The following USP38 variants were observed in gnomAD, a reference collection of about 807,000 sequenced individuals.
USP38 encodes the protein ubiquitin specific peptidase 38, also known as ubiquitin carboxyl-terminal hydrolase 38.
A neutral mutation model predicts 94.3 loss-of-function variants in USP38; 49 were observed. The observed-to-expected ratio is 0.52, with a 90% CI of 0.41 to 0.66. The LOEUF is 0.66. Ranked by LOEUF, USP38 falls within the 30% of genes least tolerant of loss-of-function variation. The pLI is 0.00. For missense variants in USP38, 1,128 were observed against 1,229.4 expected, an observed-to-expected ratio of 0.92 and a Z score of 1.23; for synonymous variants, 468 against 463.6, an observed-to-expected ratio of 1.01 and a Z score of -0.12.
chr4:143,214,009 T>G lies in USP38; in HGVS notation c.2033T>G (p.Ile678Arg), dbSNP rs778510170. The change falls in exon 9 of 10, where the codon ATA (isoleucine) becomes AGA (arginine). Residue 678 changes from isoleucine to arginine, a missense_variant. Coordinates refer to ENST00000307017, the MANE Select transcript of USP38 (RefSeq NM_032557.6). Reference sequence around the variant, plus strand: ...GACTCACTTGTGAATGAAAAAACCATAGGCAGTCCTCCTAATGAGTTTTAC... The same window carrying G: ...GACTCACTTGTGAATGAAAAAACCAGAGGCAGTCCTCCTAATGAGTTTTAC... ...ICDSLVNEKTIGSPPNEFYCS... is the reference protein window; with the variant it reads ...ICDSLVNEKTRGSPPNEFYCS... 6.2e-7 allele frequency: 1 copy of G among 1,613,580 alleles called. No homozygotes were observed. The highest frequency in any genetic ancestry group is 8.5e-7 in the Non-Finnish European group (1 of 1,179,818).
In USP38 at chr4:143,223,103, AG is replaced by A. The variant is rs1296873243; in HGVS notation, c.*2648del. The A allele has an allele frequency of 6.6e-6, 1 of 152,178 alleles. No individual in the cohort carries two copies. Among genetic ancestry groups the A allele is most frequent in the East Asian group, 1.9e-4 (1 of 5,200 alleles). 9.4% of individuals were successfully genotyped at this position (152,178 alleles called of 1,614,324 possible). On this transcript the variant is annotated 3_prime_UTR_variant, in exon 10 of 10. Coordinates refer to ENST00000307017, the MANE Select transcript of USP38 (RefSeq NM_032557.6). ...TAAAAAATTGTTTAGAGATATGCAA[AG>A]AAGGAAATATATATGATGTCACACA...
chr4:143,218,391 TATG>T (rs1732238062), intron 9 of USP38, among the ~76,000 whole-genome samples: 1 of 152,136 alleles, frequency 6.6e-6, no homozygotes, highest in Non-Finnish European at 1.5e-5. Context: ...TTACACATTC[TATG>T]ATAATCATAA....
chr4:143,186,421 A>G (rs1731226415), intron 1 of USP38, among the ~76,000 whole-genome samples: 1 of 152,224 alleles, frequency 6.6e-6, no homozygotes, highest in Non-Finnish European at 1.5e-5. Context: ...GTTATTTGGA[A>G]TGCTTTGAGG....
intron 9 of USP38, among the ~76,000 whole-genome samples, chr4:143,216,206 A>G (rs11725565): frequency 0.6 from 90,632 of 151,936 alleles, 27,216 homozygotes; most frequent in East Asian, 0.82. Context: ...ATATTTGAGC[A>G]TGAGGAGCTG....
At chr4:143,220,048 G>T (rs1308572502) in intron 9 of USP38, among the ~76,000 whole-genome samples, 5 of 152,022 alleles carry the variant, frequency 3.3e-5, no homozygotes, top group African/African-American at 9.7e-5. Flanking sequence ...AATCTATTGT[G>T]ATAATCTTTG....
intron 6 of USP38, among the ~76,000 whole-genome samples, chr4:143,206,962 A>T (rs2149609864): frequency 6.6e-6 from 1 of 152,354 alleles, no homozygotes; most frequent in East Asian, 1.9e-4. Flanking sequence ...TAATTACTGA[A>T]CACATGTATA....
chr4:143,187,007 C>T (rs1731246049), intron 1 of USP38, among the ~76,000 whole-genome samples: 1 of 152,140 alleles, frequency 6.6e-6, no homozygotes, highest in Admixed American at 6.5e-5. Context: ...GGAGTTTTAA[C>T]AAACGTTCTG....
chr4:143,198,744 A>G (rs1309450104), intron 4 of USP38, among the ~76,000 whole-genome samples: 1 of 152,220 alleles, frequency 6.6e-6, no homozygotes, highest in East Asian at 1.9e-4. Flanking sequence ...CCTTACTAGC[A>G]AGTAATTACA....
At chr4:143,195,897 A>AT in intron 3 of USP38, 52 bp downstream of exon 3, 1 of 1,482,286 alleles carries the variant, frequency 6.7e-7, no homozygotes, top group African/African-American at 1.4e-5. Flanking sequence ...TAAAATCAAT[A>AT]TTTTTTTCTT....
intron 4 of USP38, among the ~76,000 whole-genome samples, chr4:143,202,691 G>A (rs1731751063): frequency 6.6e-6 from 1 of 152,052 alleles, no homozygotes; most frequent in South Asian, 2.1e-4. Context: ...TTGTGCTGAT[G>A]ATCAATATTA....
At chr4:143,214,977 A>G (rs1263435940) in intron 9 of USP38, 34 bp downstream of exon 9, 1 of 1,582,176 alleles carries the variant, frequency 6.3e-7, no homozygotes, top group Admixed American at 1.8e-5. Context: ...TTTGTTGAAA[A>G]TATTAAACAA....
intron 5 of USP38, 149 bp from the exon 6 acceptor site, chr4:143,205,884 C>A (rs1347995835): frequency 3.8e-6 from 2 of 520,504 alleles, no homozygotes; most frequent in Non-Finnish European, 6.4e-6. Context: ...TCATGACTAG[C>A]CAAGTACTGC....
chr4:143,187,169 G>T (rs142259669), intron 1 of USP38, among the ~76,000 whole-genome samples: 2 of 152,154 alleles, frequency 1.3e-5, no homozygotes, highest in Non-Finnish European at 2.9e-5. Flanking sequence ...TTGAACTGTA[G>T]CAGTAAAGGT....
intron 2 of USP38, 122 bp downstream of exon 2, chr4:143,188,083 A>G: frequency 8.5e-7 from 1 of 1,173,588 alleles, no homozygotes; most frequent in Admixed American, 2.7e-5. Context: ...TGACATATGT[A>G]AAGATTCTCC....
chr4:143,194,594 G>A (rs895699156), intron 2 of USP38, among the ~76,000 whole-genome samples: 18 of 151,938 alleles, frequency 1.2e-4, no homozygotes, highest in African/African-American at 2.9e-4. Context: ...TGCAACCTCC[G>A]CCTCCCAGGT....
Position 143,214,556 on chromosome 4 carries a change from T to G in USP38, c.2580T>G (p.Ser860=). ...CCTCTGAAAGTGGGCATTACTATTC[T>G]TATGCCAGGAATATCACAAGTACAG... The part of the protein sequence containing the change: ...GISSESGHYY[S]YARNITSTDS... Residue 860 remains serine, a synonymous_variant, in exon 9 of 10, where the codon TCT becomes TCG. Transcript: ENST00000307017. The G allele has an allele frequency of 1.2e-6, 2 of 1,613,594 alleles. No individual in the cohort carries two copies. The highest frequency in any genetic ancestry group is 1.7e-6 in the Non-Finnish European group (2 of 1,179,804).
Position 143,213,845 on chromosome 4 carries a change from C to G in USP38, c.1869C>G (p.Ser623=). Residue 623 remains serine, a synonymous_variant, in exon 9 of 10, where the codon TCC becomes TCG. Transcript: ENST00000307017. ...ATCTTTCGCTTGCCTTTTGTCCTTC[C>G]TCTTCTTTGGAAAACATGTCTGTCC... ...FTDLSLAFCP[S]SSLENMSVQD... The G allele has an allele frequency of 6.2e-7, 1 of 1,613,824 alleles. No homozygotes were observed. Among genetic ancestry groups the G allele is most frequent in the Non-Finnish European group, 8.5e-7 (1 of 1,179,832 alleles).
At chr4:143,189,726 C>T (rs993509082) in intron 2 of USP38, among the ~76,000 whole-genome samples, 5 of 151,964 alleles carry the variant, frequency 3.3e-5, no homozygotes, top group Non-Finnish European at 7.4e-5. Context: ...GTGCTTTGTA[C>T]GTTTGAGAAA....
Position 143,223,238 on chromosome 4 carries a change from C to T in USP38, c.*2782C>T, listed in dbSNP as rs962766730. The T allele has an allele frequency of 6.6e-6, 1 of 152,074 alleles. No individual in the cohort carries two copies. The highest frequency in any genetic ancestry group is 2.4e-5 in the African/African-American group (1 of 41,434). The allele number at this position is 152,074 out of a possible 1,614,324, so 9.4% of individuals were successfully genotyped here. On this transcript the variant is annotated 3_prime_UTR_variant, in exon 10 of 10. Transcript: ENST00000307017. ...AGCTCATTTTCCATTCAAGCATCTT[C>T]CCACTGCCTCTCTTCCAGCTAAATA...
Sources: gnomAD v4.1 joint callset for allele counts (sites outside exome capture counted in the v4.1 genomes callset) on GRCh38, gnomAD v4.1.1 for gene constraint, MANE v1.5 for transcripts, NCBI Gene and HGNC (gene_info 2026-07-23, HGNC 2026-07-21) for gene names.